The following ARHGAP26 variants were observed in gnomAD, a reference collection of about 807,000 sequenced individuals.
The protein encoded by ARHGAP26 is rho GTPase-activating protein 26.
Under a neutral mutation model 104.8 loss-of-function variants are expected in ARHGAP26, and 38 were observed. The ratio of observed to expected loss-of-function variants is 0.36; its 90% CI spans 0.28 to 0.48. The LOEUF is 0.48. ARHGAP26 is among the 20% of genes least tolerant of loss of function. The probability of loss-of-function intolerance (pLI) is 0.99; values close to 1 mark genes in which losing one functional copy is unlikely to be tolerated. For missense variants in ARHGAP26, 704 were observed against 947.9 expected (o/e 0.74, Z 3.38); for synonymous variants, 341 against 340.0 (o/e 1.00, Z -0.03).
intron 20 of ARHGAP26, among the ~76,000 whole-genome samples, chr5:143,161,281 G>T (rs1801210223): frequency 6.6e-6 from 1 of 151,968 alleles, no homozygotes; most frequent in South Asian, 2.1e-4. Context: ...CAAAGTGCAG[G>T]GATTACAGGC....
At chr5:142,890,088 T>A (rs1229355161) in intron 5 of ARHGAP26, among the ~76,000 whole-genome samples, 3 of 136,988 alleles carry the variant, frequency 2.2e-5, no homozygotes, top group Non-Finnish European at 4.6e-5. Flanking sequence ...GTGAGCCGAA[T>A]TCGCGCCATT....
At chr5:142,784,384 C>A (rs1057309039) in intron 1 of ARHGAP26, among the ~76,000 whole-genome samples, 1 of 152,202 alleles carries the variant, frequency 6.6e-6, no homozygotes, top group African/African-American at 2.4e-5. Context: ...AAGGAAAAGA[C>A]ACAGCCCAGT....
At chr5:142,782,557 AGAAGAGAGTG>A (rs1346110397) in intron 1 of ARHGAP26, among the ~76,000 whole-genome samples, 1 of 152,158 alleles carries the variant, frequency 6.6e-6, no homozygotes, top group Non-Finnish European at 1.5e-5. Context: ...ATGGAGTGAG[AGAAGAGAGTG>A]GAAGCTGAAA....
At chr5:143,081,272 T>C (rs1242585321) in intron 17 of ARHGAP26, among the ~76,000 whole-genome samples, 2 of 151,832 alleles carry the variant, frequency 1.3e-5, no homozygotes, top group African/African-American at 2.4e-5. Context: ...CATTTAGAAG[T>C]GGGAAGAGGA....
chr5:143,119,096 T>A (rs1185293535), intron 17 of ARHGAP26, among the ~76,000 whole-genome samples: 3 of 151,742 alleles, frequency 2.0e-5, no homozygotes, highest in Non-Finnish European at 2.9e-5. Context: ...GAGAGCTGAG[T>A]TTTAGGTGGA....
At chr5:143,222,285 CCCA>C (rs1811309067) in intron 22 of ARHGAP26, 70 bp from the exon 23 acceptor site, 9 of 938,090 alleles carry the variant, frequency 9.6e-6, no homozygotes, top group African/African-American at 3.3e-5. Flanking sequence ...ACACACACAC[CCCA>C]CACACACATC....
chr5:142,771,314 G>A, intron 1 of ARHGAP26: 1 of 1,233,208 alleles, frequency 8.1e-7, no homozygotes, highest in Non-Finnish European at 1.0e-6. Context: ...TCAGCCTTGA[G>A]TGCCCAACCG....
At chr5:143,162,060 C>T (rs145620132) in intron 20 of ARHGAP26, among the ~76,000 whole-genome samples, 4 of 151,998 alleles carry the variant, frequency 2.6e-5, no homozygotes, top group Non-Finnish European at 2.9e-5. Flanking sequence ...CTTTGACTTG[C>T]GCAATGCTGC....
chr5:143,062,332 A>G (rs1786833027), intron 17 of ARHGAP26, among the ~76,000 whole-genome samples: 3 of 152,180 alleles, frequency 2.0e-5, no homozygotes. Context: ...TTCATTACCC[A>G]ATTGTCTAAT....
intron 1 of ARHGAP26, among the ~76,000 whole-genome samples, chr5:142,818,726 A>G (rs991512373): frequency 6.6e-6 from 1 of 152,194 alleles, no homozygotes; most frequent in Non-Finnish European, 1.5e-5. Flanking sequence ...CCCGATTCAC[A>G]TGCTAACATA....
chr5:143,131,585 T>C (rs1278875704), intron 18 of ARHGAP26, among the ~76,000 whole-genome samples: 1 of 152,196 alleles, frequency 6.6e-6, no homozygotes, highest in African/African-American at 2.4e-5. Context: ...AAACACATCC[T>C]TGTATGTTTG....
chr5:142,961,163 C>T (rs747839686), intron 11 of ARHGAP26, among the ~76,000 whole-genome samples: 14 of 152,122 alleles, frequency 9.2e-5, no homozygotes, highest in Non-Finnish European at 1.6e-4. Context: ...GAGCCAGGCA[C>T]ACAGTAGAAA....
At chr5:142,818,635 C>T (rs78275762) in intron 1 of ARHGAP26, among the ~76,000 whole-genome samples, 3,380 of 152,246 alleles carry the variant, frequency 0.022, 82 homozygotes, top group African/African-American at 0.06. Flanking sequence ...TTCATTTCCT[C>T]ATGTATAAAA....
intron 11 of ARHGAP26, among the ~76,000 whole-genome samples, chr5:142,972,069 C>T (rs1772361894): frequency 6.6e-6 from 1 of 152,034 alleles, no homozygotes. Context: ...GTTATCCCAG[C>T]TACTCGGGAG....
intron 20 of ARHGAP26, among the ~76,000 whole-genome samples, chr5:143,192,206 A>G (rs901461140): frequency 1.3e-5 from 2 of 152,240 alleles, no homozygotes; most frequent in African/African-American, 2.4e-5. Flanking sequence ...GATCTAACTC[A>G]CTGGAGAAAG....
At chr5:143,183,048 T>TA (rs1804610811) in intron 20 of ARHGAP26, among the ~76,000 whole-genome samples, 1 of 140,894 alleles carries the variant, frequency 7.1e-6, no homozygotes, top group Non-Finnish European at 1.5e-5. Flanking sequence ...TTATTCTCCT[T>TA]ATGCCTCATG....
intron 1 of ARHGAP26, among the ~76,000 whole-genome samples, chr5:142,781,863 C>T (rs990836470): frequency 6.6e-6 from 1 of 152,086 alleles, no homozygotes. Context: ...AGGTGCGTGC[C>T]ACCATGCCCG....
intron 11 of ARHGAP26, among the ~76,000 whole-genome samples, chr5:143,009,523 A>G (rs1383558922): frequency 6.6e-6 from 1 of 152,200 alleles, no homozygotes; most frequent in Admixed American, 6.5e-5. Context: ...ACCGAATAAG[A>G]CAATGCACAC....
intron 17 of ARHGAP26, among the ~76,000 whole-genome samples, chr5:143,075,819 C>T (rs1788915246): frequency 1.3e-5 from 2 of 151,774 alleles, no homozygotes; most frequent in Non-Finnish European, 2.9e-5. Flanking sequence ...CCACCTCAGC[C>T]TTCCAAGTAG....
Sources: gnomAD v4.1 joint callset for allele counts (sites outside exome capture counted in the v4.1 genomes callset) on GRCh38, gnomAD v4.1.1 for gene constraint, MANE v1.5 for transcripts, NCBI Gene and HGNC (gene_info 2026-07-23, HGNC 2026-07-21) for gene names.